UNC13B: variants seen among roughly 807,000 people sequenced by gnomAD.
The protein encoded by UNC13B is unc-13 homolog B, also known as protein unc-13 homolog B.
Under a neutral mutation model 211.0 loss-of-function variants are expected in UNC13B, and 144 were observed. The ratio of observed to expected loss-of-function variants is 0.68; its 90% confidence interval spans 0.60 to 0.78. The LOEUF (loss-of-function observed/expected upper bound fraction) is 0.78, where lower values mean the gene tolerates loss of function less well. Ranked by LOEUF, UNC13B falls within the 30% of genes least tolerant of loss-of-function variation. UNC13B has a pLI of 0.00. For synonymous variants in UNC13B, 709 were observed against 725.8 expected, an observed-to-expected ratio of 0.98 and a Z score of 0.37; for missense variants, 1,777 against 2,002.0, an observed-to-expected ratio of 0.89 and a Z score of 2.14.
At chr9:35,382,218 C>A in intron 20 of UNC13B, 139 bp from the exon 21 acceptor site, 2 of 1,149,840 alleles carry the variant, frequency 1.7e-6, no homozygotes, top group Non-Finnish European at 2.5e-6. Flanking sequence ...GAGCTGTGTG[C>A]AGAAAGTAGC....
rs772402072 is a variant in UNC13B, at chr9:35,382,405, A to G, written c.10704A>G (p.Ala3568=). The G allele has an allele frequency of 3.7e-6, 6 of 1,614,110 alleles. No individual in the cohort carries two copies. In the South Asian group the frequency reaches 6.6e-5, roughly 18 times the overall value. Residue 3568 remains alanine (A), a synonymous_variant, in exon 21 of 40, where the codon GCA becomes GCG. Transcript: ENST00000635942. ...AGTACATGTGTCCTGGTGTGCCAGC[A>G]GTGATGAGCACCTTACTGGCCAACA... ...SSKYMCPGVP[A]VMSTLLANIN...
At chr9:35,198,689 T>A (rs1040049982) in intron 1 of UNC13B, among the ~76,000 whole-genome samples, 1 of 152,120 alleles carries the variant, frequency 6.6e-6, no homozygotes, top group African/African-American at 2.4e-5. Flanking sequence ...TAGAGACTTG[T>A]TAAATTGTTG....
intron 14 of UNC13B, among the ~76,000 whole-genome samples, chr9:35,375,479 C>G (rs1834339683): frequency 6.6e-6 from 1 of 152,148 alleles, no homozygotes; most frequent in African/African-American, 2.4e-5. Context: ...TCTTAGAAAG[C>G]GTGAATGCTG....
At position 35,241,180 on chromosome 9, in the gene UNC13B, C is replaced by T. The variant is rs961582280; in HGVS notation, c.395-2111C>T. ...TAATCCTCATTTCAGTCCTTTGAGG[C>T]AGGCCCAACTATTATTCCCCACTTT... On this transcript the variant is annotated intron_variant, in intron 5 of 39. Transcript: ENST00000635942. 6.6e-5 allele frequency among the ~76,000 whole-genome samples: 10 copies of T among 152,040 alleles called. No homozygotes were observed. In the East Asian group the frequency reaches 1.9e-3, roughly 29 times the overall value.
At chr9:35,256,746 A>T (rs1826902973) in intron 6 of UNC13B, among the ~76,000 whole-genome samples, 1 of 152,228 alleles carries the variant, frequency 6.6e-6, no homozygotes, top group South Asian at 2.1e-4. Flanking sequence ...ACATATTCAC[A>T]TATGAATATT....
chr9:35,356,085 G>A (rs1833003262), intron 11 of UNC13B, among the ~76,000 whole-genome samples: 1 of 152,182 alleles, frequency 6.6e-6, no homozygotes, highest in Admixed American at 6.5e-5. Context: ...TCACAGTTCT[G>A]GGTCCTATCC....
At chr9:35,376,901 C>T (rs1326989197) in intron 15 of UNC13B, among the ~76,000 whole-genome samples, 1 of 152,176 alleles carries the variant, frequency 6.6e-6, no homozygotes. Flanking sequence ...TTGCTCCCCT[C>T]CTGCTGGCCT....
At chr9:35,182,470 ATTTT>A (rs932401570) in intron 1 of UNC13B, among the ~76,000 whole-genome samples, 1 of 151,076 alleles carries the variant, frequency 6.6e-6, no homozygotes, top group Non-Finnish European at 1.5e-5. Flanking sequence ...ATTTATTTTT[ATTTT>A]TATTTTTTTT....
intron 1 of UNC13B, among the ~76,000 whole-genome samples, chr9:35,208,524 C>T (rs1823790155): frequency 1.3e-5 from 2 of 152,290 alleles, no homozygotes; most frequent in Admixed American, 6.5e-5. Flanking sequence ...CATGGTGGCA[C>T]TTCTGCTTCT....
intron 25 of UNC13B, 21 bp downstream of exon 25, chr9:35,389,994 C>A (rs1418652424): frequency 6.2e-7 from 1 of 1,612,228 alleles, no homozygotes; most frequent in Non-Finnish European, 8.5e-7. Context: ...CCCTCTTTGG[C>A]CCTGTCTGTT....
At chr9:35,350,703 G>T (rs532159947) in intron 11 of UNC13B, among the ~76,000 whole-genome samples, 9 of 151,372 alleles carry the variant, frequency 5.9e-5, no homozygotes, top group Admixed American at 1.3e-4. Context: ...ATTAGGTAAA[G>T]AAATATTTTT....
intron 1 of UNC13B, among the ~76,000 whole-genome samples, chr9:35,191,924 C>T (rs528639468): frequency 8.5e-5 from 13 of 152,174 alleles, no homozygotes; most frequent in South Asian, 2.1e-4. Context: ...GAAAGATACA[C>T]GAAGCACACC....
intron 29 of UNC13B, 56 bp from the exon 30 acceptor site, chr9:35,397,579 C>T (rs1409758458): frequency 6.4e-7 from 1 of 1,557,208 alleles, no homozygotes; most frequent in Non-Finnish European, 8.7e-7. Flanking sequence ...CAGGCAAGAT[C>T]CCCATAGAAG....
At chr9:35,195,387 C>A (rs979939360) in intron 1 of UNC13B, among the ~76,000 whole-genome samples, 2 of 152,166 alleles carry the variant, frequency 1.3e-5, no homozygotes, top group African/African-American at 4.8e-5. Context: ...GTATACTTAA[C>A]ATGTATCAAC....
Position 35,302,423 on chromosome 9 carries a change from G to T in UNC13B, c.3019G>T (p.Gly1007Cys). 3 of 397,022 alleles carry T rather than the reference G, an allele frequency of 7.6e-6. No homozygotes were observed. Among genetic ancestry groups the T allele is most frequent in the Non-Finnish European group, 1.3e-5 (3 of 225,336 alleles). 24.6% of individuals were successfully genotyped at this position (397,022 alleles called of 1,614,324 possible). A position where few individuals can be genotyped will look rare whatever the true frequency, so the allele number is the denominator to read the frequency against. Residue 1007 changes from glycine (G) to cysteine (C), a missense_variant, in exon 9 of 40, where the codon GGT becomes TGT. Transcript: ENST00000635942. ...TGCCAAACTTAGTTCAATAAAATCT[G>T]GTTCAGCTCCAAATACTCAGGATAA... ...EDAKLSSIKS[G>C]SAPNTQDNLG...
chr9:35,398,250 CA>C lies in UNC13B; in HGVS notation c.11795del (p.Gln3932ArgfsTer22). On this transcript the variant is annotated frameshift_variant, in exon 31 of 40. Transcript: ENST00000635942. LOFTEE classifies it high-confidence loss of function. ...GAACAACGTGCAGCAACTGAGGGTC[CA>C]GCTGGAGAAAATGTTTGAGGCCATG... is the stretch of plus-strand genomic sequence containing the variant. ...LMNNVQQLRV[Q>X]LEKMFEAMGG... 6.2e-7 allele frequency: 1 copy of C among 1,613,960 alleles called. No individual in the cohort carries two copies. The highest frequency in any genetic ancestry group is 1.3e-5 in the African/African-American group (1 of 75,028).
chr9:35,202,716 A>T (rs914252626), intron 1 of UNC13B, among the ~76,000 whole-genome samples: 4 of 149,998 alleles, frequency 2.7e-5, no homozygotes, highest in Admixed American at 2.7e-4. Flanking sequence ...ATCTTCCTCC[A>T]TCCCTTTATT....
intron 6 of UNC13B, among the ~76,000 whole-genome samples, chr9:35,257,007 C>T (rs910799589): frequency 2.6e-5 from 4 of 152,108 alleles, no homozygotes; most frequent in African/African-American, 9.7e-5. Flanking sequence ...AATATCTACT[C>T]TGATCTCTTA....
At chr9:35,340,727 A>G (rs1831939622) in intron 11 of UNC13B, among the ~76,000 whole-genome samples, 1 of 152,204 alleles carries the variant, frequency 6.6e-6, no homozygotes, top group Non-Finnish European at 1.5e-5. Context: ...CAGAAGAGGA[A>G]TGACTTCACT....
Sources: allele counts gnomAD v4.1 joint callset (sites outside exome capture counted in the v4.1 genomes callset), GRCh38; gene constraint gnomAD v4.1.1; transcripts MANE v1.5; gene names NCBI Gene and HGNC (gene_info 2026-07-23, HGNC 2026-07-21).